SOD2: variants seen among roughly 807,000 people sequenced by gnomAD.
The protein encoded by SOD2 is superoxide dismutase 2, also known as superoxide dismutase [Mn], mitochondrial.
In SOD2, 11 loss-of-function variants were observed where a neutral mutation model predicts 27.0. That is an observed-to-expected ratio of 0.41 (90% CI 0.26 to 0.67). The LOEUF (loss-of-function observed/expected upper bound fraction) is 0.67. Ranked by LOEUF, SOD2 falls within the 30% of genes least tolerant of loss-of-function variation. SOD2 has a pLI of 0.34. For synonymous variants in SOD2, 105 were observed against 103.0 expected (o/e 1.02, Z -0.12); for missense variants, 250 against 274.5 (o/e 0.91, Z 0.63).
rs890934632 is a variant in SOD2, at chr6:159,679,726, A to G, written c.*2767T>C. The G allele has an allele frequency of 2.0e-5, 3 of 152,346 alleles. No homozygotes were observed. Among genetic ancestry groups the G allele is most frequent in the Middle Eastern group, 3.4e-3 (1 of 294 alleles). 9.4% of individuals were successfully genotyped at this position (152,346 alleles called of 1,614,324 possible). A position where few individuals can be genotyped will look rare whatever the true frequency, so the allele number is the denominator to read the frequency against. On this transcript the variant is annotated 3_prime_UTR_variant, in exon 5 of 5. Coordinates refer to ENST00000538183, the MANE Select transcript of SOD2 (RefSeq NM_000636.4). The stretch of plus-strand genomic sequence containing the variant: ...TCACAAAAACCCTTCTTGGATGAAC[A>G]ATACTTGTTCTTTTCAGAAGAAAAG...
chr6:159,732,556 C>T (rs1468492011), intron 1 of SOD2, among the ~76,000 whole-genome samples: 4 of 152,074 alleles, frequency 2.6e-5, no homozygotes, highest in East Asian at 1.9e-4. Flanking sequence ...TATTATTGGC[C>T]GGGCGCAGTA....
intron 1 of SOD2, among the ~76,000 whole-genome samples, chr6:159,733,821 C>A (rs935890716): frequency 1.3e-5 from 2 of 151,998 alleles, no homozygotes; most frequent in African/African-American, 2.4e-5. Flanking sequence ...GAGGCTGAGG[C>A]AGGAGAATTG....
At chr6:159,692,281 C>A in intron 2 of SOD2, 1 of 690,278 alleles carries the variant, frequency 1.4e-6, no homozygotes, top group Non-Finnish European at 2.0e-6. Context: ...AAACATTTCC[C>A]CAAAGCACAT....
rs748423903 is a variant in SOD2 at position 159,688,144 on chromosome 6, C to T, written c.325G>A (p.Gly109Ser). Residue 109 changes from glycine to serine, a missense_variant, in exon 3 of 5, where the codon GGT becomes AGT. Physicochemically the swap from Gly to Ser is moderately conservative, Grantham distance 56. Transcript: ENST00000538183. Reference sequence around the variant, plus strand: ...TACCAACCTTTGGGTTCTCCACCACCGTTAGGGCTGAGGTTTGTCCAGAAA... The same window carrying T: ...TACCAACCTTTGGGTTCTCCACCACTGTTAGGGCTGAGGTTTGTCCAGAAA... The part of the protein sequence containing the change: ...SIFWTNLSPN[G>S]GGEPKGELLE... 11 of 1,609,058 alleles carry T rather than the reference C, an allele frequency of 6.8e-6. No homozygotes were observed. The highest frequency in any genetic ancestry group is 3.3e-5 in the Admixed American group (2 of 60,014).
At chr6:159,705,229 G>A (rs1777600302) in intron 1 of SOD2, among the ~76,000 whole-genome samples, 1 of 152,228 alleles carries the variant, frequency 6.6e-6, no homozygotes, top group African/African-American at 2.4e-5. Flanking sequence ...CATCTCCAAA[G>A]GAACACAGCT....
chr6:159,735,580 C>T (rs1278888607), intron 1 of SOD2, among the ~76,000 whole-genome samples: 1 of 152,098 alleles, frequency 6.6e-6, no homozygotes, highest in African/African-American at 2.4e-5. Context: ...GAAACCCCGT[C>T]TCTACTAAAA....
At chr6:159,709,343 G>A (rs1282130731) in intron 1 of SOD2, among the ~76,000 whole-genome samples, 1 of 152,044 alleles carries the variant, frequency 6.6e-6, no homozygotes, top group African/African-American at 2.4e-5. Flanking sequence ...TACAAAATGG[G>A]AGAAAATTTT....
intron 1 of SOD2, among the ~76,000 whole-genome samples, chr6:159,711,833 G>T (rs1433088729): frequency 2.5e-5 from 3 of 119,390 alleles, no homozygotes; most frequent in African/African-American, 9.0e-5. Flanking sequence ...CCACTCAGCT[G>T]CTCTGACCAC....
intron 1 of SOD2, among the ~76,000 whole-genome samples, chr6:159,760,028 T>C (rs1309788221): frequency 1.3e-5 from 2 of 152,260 alleles, no homozygotes; most frequent in Non-Finnish European, 2.9e-5. Context: ...AAAGCTTATG[T>C]AGTCAGTAGA....
At chr6:159,726,611 T>TA (rs1053242729) in intron 1 of SOD2, 5 of 395,780 alleles carry the variant, frequency 1.3e-5, no homozygotes, top group South Asian at 2.1e-5. Flanking sequence ...TCAGGGAGTC[T>TA]ACTCCACTTG....
At chr6:159,727,056 T>A in intron 1 of SOD2, 7 of 1,215,272 alleles carry the variant, frequency 5.8e-6, no homozygotes, top group Non-Finnish European at 6.3e-6. Flanking sequence ...ACTTCCACCT[T>A]CCCTTCCCGT....
upstream of SOD2, among the ~76,000 whole-genome samples, chr6:159,696,996 G>T (rs150610681): frequency 2.0e-4 from 29 of 148,216 alleles, no homozygotes; most frequent in African/African-American, 6.2e-4. Context: ...CTATGATTAT[G>T]TCACCTTACT....
chr6:159,707,398 G>T (rs1388004483), intron 1 of SOD2, among the ~76,000 whole-genome samples: 1 of 151,944 alleles, frequency 6.6e-6, no homozygotes, highest in African/African-American at 2.4e-5. Flanking sequence ...AAAGAGAGAA[G>T]AATCAAATAG....
At chr6:159,755,451 G>A (rs896723926) in intron 1 of SOD2, 1 of 1,614,042 alleles carries the variant, frequency 6.2e-7, no homozygotes, top group African/African-American at 1.3e-5. Flanking sequence ...TCTCCCACGG[G>A]CAGTGAAAAC....
intron 1 of SOD2, among the ~76,000 whole-genome samples, chr6:159,710,901 A>G (rs1777730388): frequency 7.0e-6 from 1 of 143,198 alleles, no homozygotes; most frequent in Non-Finnish European, 1.5e-5. Context: ...CTCGACAACC[A>G]CCACTTACAT....
Position 159,684,993 on chromosome 6 carries a change from A to G in SOD2, c.384T>C (p.Phe128=), listed in dbSNP as rs757989896. 2.9e-5 allele frequency: 47 copies of G among 1,611,234 alleles called. No individual in the cohort carries two copies. The highest frequency in any genetic ancestry group is 1.6e-4 in the Middle Eastern group (1 of 6,078). Residue 128 remains phenylalanine (F), a synonymous_variant, in exon 4 of 5, where the codon TTT becomes TTC. Transcript: ENST00000538183. The part of the protein sequence containing the change: ...LEAIKRDFGS[F]DKFKEKLTAA... ...CCGTCAGCTTCTCCTTAAACTTGTC[A>G]AAGGAACCAAAGTCACGTTTGATGG...
intron 1 of SOD2, chr6:159,726,980 C>G (rs767986158): frequency 7.8e-7 from 1 of 1,280,808 alleles, no homozygotes; most frequent in Non-Finnish European, 1.0e-6. Flanking sequence ...CGGCCAATCA[C>G]GCGCCGCCTT....
chr6:159,696,076 T>G (rs1308354936), upstream of SOD2, among the ~76,000 whole-genome samples: 1 of 152,218 alleles, frequency 6.6e-6, no homozygotes, highest in Non-Finnish European at 1.5e-5. Context: ...TGCATTCATA[T>G]TCCAGTAACA....
intron 1 of SOD2, among the ~76,000 whole-genome samples, chr6:159,723,714 T>C (rs762608388): frequency 3.3e-5 from 5 of 152,152 alleles, no homozygotes; most frequent in Non-Finnish European, 5.9e-5. Context: ...CTGGTCACCC[T>C]AGTGCTTCTA....
Sources: allele counts gnomAD v4.1 joint callset (sites outside exome capture counted in the v4.1 genomes callset), GRCh38; gene constraint gnomAD v4.1.1; transcripts MANE v1.5; gene names NCBI Gene and HGNC (gene_info 2026-07-23, HGNC 2026-07-21).